The following FHIT variants were observed in gnomAD, a reference collection of about 807,000 sequenced individuals.
The protein encoded by FHIT is fragile histidine triad diadenosine triphosphatase, also known as bis(5'-adenosyl)-triphosphatase.
Under a neutral mutation model 17.9 loss-of-function variants are expected in FHIT, and 19 were observed. That is an observed-to-expected ratio of 1.06 (90% CI 0.74 to 1.56). The LOEUF (loss-of-function observed/expected upper bound fraction) is 1.56. FHIT is among the 40% of genes most tolerant of loss of function. The pLI, the probability that FHIT is intolerant of heterozygous loss-of-function variation, is 0.00. For synonymous variants in FHIT, 81 were observed against 69.7 expected (o/e 1.16, Z -0.81); for missense variants, 248 against 189.2 (o/e 1.31, Z -1.82).
intron 3 of FHIT, among the ~76,000 whole-genome samples, chr3:60,882,848 T>C (rs1705039175): frequency 6.6e-6 from 1 of 152,000 alleles, no homozygotes; most frequent in Non-Finnish European, 1.5e-5. Flanking sequence ...CAACATAACA[T>C]TGGAAGTCCT....
At chr3:60,194,422 A>T (rs984985188) in intron 5 of FHIT, among the ~76,000 whole-genome samples, 1 of 152,200 alleles carries the variant, frequency 6.6e-6, no homozygotes, top group South Asian at 2.1e-4. Context: ...CTCTCATCAT[A>T]TACAAAAATC....
intron 3 of FHIT, among the ~76,000 whole-genome samples, chr3:60,910,453 CT>C (rs1706683222): frequency 6.6e-6 from 1 of 150,746 alleles, no homozygotes; most frequent in Admixed American, 6.6e-5. Flanking sequence ...GCTTTGTCGC[CT>C]AGGCTGGAGT....
At chr3:60,462,914 T>C (rs770693898) in intron 5 of FHIT, among the ~76,000 whole-genome samples, 3 of 152,152 alleles carry the variant, frequency 2.0e-5, no homozygotes, top group Non-Finnish European at 4.4e-5. Context: ...CTGCTCTGTA[T>C]CACTCCATGT....
intron 4 of FHIT, among the ~76,000 whole-genome samples, chr3:60,769,458 T>G (rs968045892): frequency 2.6e-5 from 4 of 152,170 alleles, no homozygotes; most frequent in Non-Finnish European, 4.4e-5. Flanking sequence ...TGAAAAATGC[T>G]TCCAACAATA....
intron 5 of FHIT, among the ~76,000 whole-genome samples, chr3:60,020,572 AAAAG>A (rs1203064829): frequency 1.3e-5 from 2 of 152,170 alleles, no homozygotes; most frequent in African/African-American, 2.4e-5. Context: ...GAACTAATAA[AAAAG>A]AGTCTGTATT....
At chr3:61,110,646 G>C (rs2036131314) in intron 2 of FHIT, among the ~76,000 whole-genome samples, 1 of 152,102 alleles carries the variant, frequency 6.6e-6, no homozygotes, top group Admixed American at 6.6e-5. Context: ...ATCTGGCCCA[G>C]AGCAGGCTGA....
intron 5 of FHIT, among the ~76,000 whole-genome samples, chr3:60,529,640 T>C (rs1486077458): frequency 6.6e-6 from 1 of 152,152 alleles, no homozygotes; most frequent in African/African-American, 2.4e-5. Context: ...ATGACTTGCA[T>C]GGAAAGCAGG....
chr3:61,135,451 ATTG>A (rs1347164242), intron 2 of FHIT, among the ~76,000 whole-genome samples: 1 of 152,194 alleles, frequency 6.6e-6, no homozygotes, highest in African/African-American at 2.4e-5. Context: ...ACTCATTAGT[ATTG>A]TTGTTCCCAT....
At chr3:60,290,821 C>A (rs1289820761) in intron 5 of FHIT, among the ~76,000 whole-genome samples, 3 of 151,912 alleles carry the variant, frequency 2.0e-5, no homozygotes, top group African/African-American at 7.3e-5. Context: ...GACACAATAG[C>A]AGAGAGGGGA....
At chr3:61,020,922 A>C (rs1239994598) in intron 3 of FHIT, among the ~76,000 whole-genome samples, 1 of 152,224 alleles carries the variant, frequency 6.6e-6, no homozygotes, top group African/African-American at 2.4e-5. Flanking sequence ...AACAAAGATC[A>C]AAAAAGACAA....
intron 3 of FHIT, among the ~76,000 whole-genome samples, chr3:60,826,914 G>A (rs992852898): frequency 2.0e-5 from 3 of 152,018 alleles, no homozygotes; most frequent in African/African-American, 7.2e-5. Context: ...AGCAGATTTC[G>A]CAATTTTGCT....
intron 5 of FHIT, chr3:60,536,563 T>C (rs980706124): frequency 4.7e-5 from 13 of 277,732 alleles, no homozygotes; most frequent in Admixed American, 5.1e-5. Flanking sequence ...CACCTATTTA[T>C]TTACTCAGCT....
At chr3:60,105,896 T>C (rs547953326) in intron 5 of FHIT, among the ~76,000 whole-genome samples, 9 of 152,316 alleles carry the variant, frequency 5.9e-5, no homozygotes, top group African/African-American at 2.2e-4. Context: ...TCTACAGTAG[T>C]CCCTCCTGAT....
At chr3:60,609,414 C>T (rs969689713) in intron 4 of FHIT, among the ~76,000 whole-genome samples, 24 of 152,254 alleles carry the variant, frequency 1.6e-4, no homozygotes, top group African/African-American at 5.8e-4. Context: ...CAATCTCCGC[C>T]TCTCGGGTTC....
chr3:60,463,747 G>A (rs965438270), intron 5 of FHIT, among the ~76,000 whole-genome samples: 4 of 152,276 alleles, frequency 2.6e-5, no homozygotes, highest in African/African-American at 9.6e-5. Flanking sequence ...TGAAACTCTG[G>A]CTTTGGGCAA....
intron 5 of FHIT, among the ~76,000 whole-genome samples, chr3:60,158,471 C>A (rs1050531392): frequency 1.3e-5 from 2 of 152,104 alleles, no homozygotes; most frequent in Admixed American, 1.3e-4. Context: ...GCCACCAGGC[C>A]TAGCTAATTT....
intron 2 of FHIT, among the ~76,000 whole-genome samples, chr3:61,083,234 G>C (rs139751515): frequency 2.0e-5 from 3 of 152,250 alleles, no homozygotes; most frequent in African/African-American, 7.2e-5. Flanking sequence ...AAGTTTTTTA[G>C]TATATCCACA....
At chr3:60,423,663 A>G (rs540115059) in intron 5 of FHIT, among the ~76,000 whole-genome samples, 1 of 152,190 alleles carries the variant, frequency 6.6e-6, no homozygotes, top group South Asian at 2.1e-4. Context: ...ATTTAAGGCA[A>G]TGGCGCAATA....
intron 6 of FHIT, 62 bp downstream of exon 6, chr3:60,013,945 C>G (rs1700237518): frequency 6.5e-7 from 1 of 1,531,706 alleles, no homozygotes; most frequent in Non-Finnish European, 9.0e-7. Context: ...TCAGGAGGAG[C>G]AAGCCCAATG....
Sources: gnomAD v4.1 joint callset for allele counts (sites outside exome capture counted in the v4.1 genomes callset) on GRCh38, gnomAD v4.1.1 for gene constraint, MANE v1.5 for transcripts, NCBI Gene and HGNC (gene_info 2026-07-23, HGNC 2026-07-21) for gene names.